Variants in ZNF562 observed in about 807,000 individuals in gnomAD.
ZNF562 encodes the protein zinc finger protein 562.
In ZNF562, 13 loss-of-function variants were observed where a neutral mutation model predicts 17.5. That is an observed-to-expected ratio of 0.74 (90% CI 0.48 to 1.18). The LOEUF (loss-of-function observed/expected upper bound fraction) is 1.18. Among genes scored for constraint, ZNF562 ranks in the 50% most tolerant of loss-of-function variants. The pLI is 0.00. For synonymous variants in ZNF562, 163 were observed against 165.4 expected, an observed-to-expected ratio of 0.99 and a Z score of 0.11; for missense variants, 481 against 498.5, an observed-to-expected ratio of 0.96 and a Z score of 0.33.
intron 1 of ZNF562, among the ~76,000 whole-genome samples, chr19:9,670,598 T>C (rs908533569): frequency 6.6e-6 from 1 of 152,116 alleles, no homozygotes; most frequent in South Asian, 2.1e-4. Context: ...TACCCCATAT[T>C]CTCACATGTG....
chr19:9,658,923 G>A (rs899290460), intron 3 of ZNF562, among the ~76,000 whole-genome samples: 17 of 152,100 alleles, frequency 1.1e-4, no homozygotes, highest in Non-Finnish European at 2.5e-4. Context: ...CTCCTGAGTA[G>A]CTGGAATTAC....
intron 1 of ZNF562, among the ~76,000 whole-genome samples, chr19:9,673,653 A>G (rs1303817861): frequency 3.3e-5 from 5 of 152,204 alleles, no homozygotes; most frequent in African/African-American, 1.2e-4. Context: ...AATAACCTGC[A>G]AGAAAATAAA....
At chr19:9,666,197 G>T (rs575723376) in intron 1 of ZNF562, among the ~76,000 whole-genome samples, 13 of 151,808 alleles carry the variant, frequency 8.6e-5, no homozygotes, top group Middle Eastern at 3.4e-3. Flanking sequence ...GGTGGTGCAT[G>T]CCTGTAATCC....
At chr19:9,665,177 G>C (rs565900694) in intron 1 of ZNF562, among the ~76,000 whole-genome samples, 1 of 150,120 alleles carries the variant, frequency 6.7e-6, no homozygotes, top group Non-Finnish European at 1.5e-5. Flanking sequence ...AGCCAAGATC[G>C]TGCCACTGCA....
At chr19:9,654,565 G>A (rs558127564) in intron 5 of ZNF562, among the ~76,000 whole-genome samples, 37 of 152,154 alleles carry the variant, frequency 2.4e-4, no homozygotes, top group South Asian at 2.1e-4. Context: ...GGGTTCAAGC[G>A]GTTCTTCTGC....
rs984898172 is a variant in ZNF562, at chr19:9,650,891, T to A, written c.*2058A>T. 1 of 137,742 alleles carries A rather than the reference T, an allele frequency of 7.3e-6. No individual in the cohort carries two copies. Among genetic ancestry groups the A allele is most frequent in the East Asian group, 2.1e-4 (1 of 4,682 alleles). 8.5% of individuals were successfully genotyped at this position (137,742 alleles called of 1,614,324 possible). On this transcript the variant is annotated 3_prime_UTR_variant, in exon 6 of 6. Coordinates refer to ENST00000453372, the MANE Select transcript of ZNF562 (RefSeq NM_001130031.2). ...ATCACTGGAACTCAGGAGGTGGAGG[T>A]TGCGGTGAGCCAAGATCATACCATT...
At chr19:9,657,210 G>A (rs1367954579) in intron 4 of ZNF562, among the ~76,000 whole-genome samples, 3 of 151,386 alleles carry the variant, frequency 2.0e-5, no homozygotes, top group Admixed American at 1.3e-4. Context: ...AAAATTATCA[G>A]GAAAGGAAAG....
At chr19:9,669,705 TGCACGCGC>T (rs1159940390) in intron 1 of ZNF562, among the ~76,000 whole-genome samples, 3 of 102,998 alleles carry the variant, frequency 2.9e-5, no homozygotes, top group East Asian at 2.6e-4. Flanking sequence ...CCTGTCTGCA[TGCACGCGC>T]GCGAGCGCGC....
In ZNF562 at chr19:9,660,799, T is replaced by C. The variant is rs1429087008; in HGVS notation, c.-55A>G. 9.4e-6 allele frequency: 15 copies of C among 1,602,076 alleles called. No homozygotes were observed. Among genetic ancestry groups the C allele is most frequent in the East Asian group, 2.2e-5 (1 of 44,794 alleles). On this transcript the variant is annotated 5_prime_UTR_variant, in exon 2 of 6. Coordinates refer to ENST00000453372, the MANE Select transcript of ZNF562 (RefSeq NM_001130031.2). ...AATGCTGTCTTTCTTGATGCCAAGA[T>C]CGCCTCAGGGCAGCTTATGAATCTA... is the stretch of plus-strand genomic sequence containing the variant.
At chr19:9,668,824 C>A (rs1427724903) in intron 1 of ZNF562, among the ~76,000 whole-genome samples, 3 of 152,090 alleles carry the variant, frequency 2.0e-5, no homozygotes, top group African/African-American at 7.2e-5. Context: ...TACACATGTA[C>A]AGACAGCTCA....
chr19:9,655,947 T>C (rs1226749078), intron 5 of ZNF562, among the ~76,000 whole-genome samples: 1 of 151,800 alleles, frequency 6.6e-6, no homozygotes, highest in African/African-American at 2.4e-5. Context: ...TGGCCAGGCC[T>C]GTCTCAAACT....
intron 1 of ZNF562, among the ~76,000 whole-genome samples, chr19:9,664,382 C>A (rs2043868074): frequency 6.6e-6 from 1 of 152,132 alleles, no homozygotes; most frequent in South Asian, 2.1e-4. Flanking sequence ...GTTTAATTTT[C>A]CCCAAGGAGG....
At chr19:9,660,977 CTG>C (rs1382627075) in intron 1 of ZNF562, 103 bp from the exon 2 acceptor site, 13 of 417,622 alleles carry the variant, frequency 3.1e-5, no homozygotes, top group Non-Finnish European at 4.3e-5. Flanking sequence ...CCACCAAAAA[CTG>C]TATACTCAGT....
intron 1 of ZNF562, among the ~76,000 whole-genome samples, chr19:9,673,694 G>T (rs767928599): frequency 6.6e-6 from 1 of 152,114 alleles, no homozygotes; most frequent in Non-Finnish European, 1.5e-5. Flanking sequence ...GTCTACACGC[G>T]TTCATATTTA....
rs1428374944 is a variant in ZNF562 at position 9,656,592 on chromosome 19, A to T, written c.303T>A (p.Leu101=). ...EIQPRTKRSS[L]QQGFLKNQIF... ...TTTGATTCTTCAAAAAACCCTGCTG[A>T]AGTGATGACCGTTTGGTTCTAGGTT... is the stretch of plus-strand genomic sequence containing the variant. The change falls in exon 5 of 6, where the codon CTT becomes CTA. Residue 101 remains leucine, a synonymous_variant. Coordinates refer to ENST00000453372, the MANE Select transcript of ZNF562 (RefSeq NM_001130031.2). 1 of 1,614,120 alleles carries T rather than the reference A, an allele frequency of 6.2e-7. No homozygotes were observed. Among genetic ancestry groups the T allele is most frequent in the Non-Finnish European group, 8.5e-7 (1 of 1,180,014 alleles).
chr19:9,645,206 C>G lies in ZNF562; in HGVS notation c.*7743G>C, dbSNP rs1182360351. ...GGACTACAGGTGAGTGCCACCACAC[C>G]CAGCTAATTTTTGTATTTTTAGTAG... On this transcript the variant is annotated 3_prime_UTR_variant, in exon 6 of 6. Transcript: ENST00000453372. The G allele has an allele frequency of 6.6e-6, 1 of 152,100 alleles. No homozygotes were observed. The highest frequency in any genetic ancestry group is 1.5e-5 in the Non-Finnish European group (1 of 68,042). 9.4% of individuals were successfully genotyped at this position (152,100 alleles called of 1,614,324 possible).
At chr19:9,656,706 T>A in intron 4 of ZNF562, 53 bp from the exon 5 acceptor site, 1 of 1,565,698 alleles carries the variant, frequency 6.4e-7, no homozygotes. Flanking sequence ...TTTGTCCTTG[T>A]TTTCAAATTA....
intron 1 of ZNF562, among the ~76,000 whole-genome samples, chr19:9,672,488 T>C (rs1432088938): frequency 6.6e-6 from 1 of 152,154 alleles, no homozygotes; most frequent in Non-Finnish European, 1.5e-5. Context: ...TCTACTAGAC[T>C]GGGTGTGTTA....
Position 9,660,878 on chromosome 19 carries a change from T to G in ZNF562, c.-130-4A>C. Reference sequence around the variant, plus strand: ...TTGTACAGGGTTATCTGAGGCCCTGTTCATACCAATCACCAAACAACAAGC... The same window carrying G: ...TTGTACAGGGTTATCTGAGGCCCTGGTCATACCAATCACCAAACAACAAGC... On this transcript the variant is annotated splice_polypyrimidine_tract_variant and splice_region_variant and intron_variant, in intron 1 of 5. Transcript: ENST00000453372. 1 of 726,472 alleles carries G rather than the reference T, an allele frequency of 1.4e-6. No homozygotes were observed. The highest frequency in any genetic ancestry group is 2.2e-6 in the Non-Finnish European group (1 of 453,754). The allele number at this position is 726,472 out of a possible 1,614,324, so 45.0% of individuals were successfully genotyped here. A position where few individuals can be genotyped will look rare whatever the true frequency, so the allele number is the denominator to read the frequency against.
Sources: gnomAD v4.1 joint callset for allele counts (sites outside exome capture counted in the v4.1 genomes callset) on GRCh38, gnomAD v4.1.1 for gene constraint, MANE v1.5 for transcripts, NCBI Gene and HGNC (gene_info 2026-07-23, HGNC 2026-07-21) for gene names.